Variants in FGF12 observed in about 807,000 individuals in gnomAD.
The protein encoded by FGF12 is fibroblast growth factor 12B.
A neutral mutation model predicts 23.6 loss-of-function variants in FGF12; 14 were observed. That is an observed-to-expected ratio of 0.59 (90% CI 0.39 to 0.93). The LOEUF (loss-of-function observed/expected upper bound fraction) is 0.93. Among genes scored for constraint, FGF12 ranks in the 40% least tolerant of loss-of-function variants. The pLI is 0.00. For missense variants in FGF12, 175 were observed against 217.8 expected (o/e 0.80, Z 1.24); for synonymous variants, 62 against 77.3 (o/e 0.80, Z 1.04).
chr3:192,361,070 T>A lies in FGF12; in HGVS notation c.14-532A>T, dbSNP rs534530781. On this transcript the variant is annotated intron_variant, in intron 2 of 5. Coordinates refer to ENST00000445105, the MANE Select transcript of FGF12 (RefSeq NM_004113.6). ...GCAACAGCAAAAACTTCCACGGCCA[T>A]GAGATGTCACTGGCAAATATGTGGA... Among the ~76,000 whole-genome samples, 282 of 145,986 alleles carry A rather than the reference T, an allele frequency of 1.9e-3. 1 individual carries two copies. Among genetic ancestry groups the A allele is most frequent in the Middle Eastern group, 7.4e-3 (2 of 270 alleles).
At chr3:192,556,653 T>A (rs1711788687) in intron 2 of FGF12, among the ~76,000 whole-genome samples, 1 of 152,068 alleles carries the variant, frequency 6.6e-6, no homozygotes. Flanking sequence ...GCTGAGCAAT[T>A]CTATTTATCA....
chr3:192,542,806 T>C (rs1327073771), intron 2 of FGF12, among the ~76,000 whole-genome samples: 4 of 152,126 alleles, frequency 2.6e-5, no homozygotes, highest in African/African-American at 9.7e-5. Flanking sequence ...TCTGGAAGAA[T>C]TGTCTGGATT....
At chr3:192,589,874 T>G (rs895865409) in intron 2 of FGF12, among the ~76,000 whole-genome samples, 7 of 151,958 alleles carry the variant, frequency 4.6e-5, no homozygotes, top group African/African-American at 1.7e-4. Flanking sequence ...AGAAAGACTA[T>G]GCAAGCAAGT....
chr3:192,363,100 GA>G (rs1194625269), intron 2 of FGF12, among the ~76,000 whole-genome samples: 32 of 148,436 alleles, frequency 2.2e-4, no homozygotes, highest in Non-Finnish European at 2.6e-4. Flanking sequence ...GGGGTAGGGG[GA>G]GGGGGGAGGG....
At chr3:192,593,978 T>C (rs1713733614) in intron 2 of FGF12, among the ~76,000 whole-genome samples, 2 of 151,972 alleles carry the variant, frequency 1.3e-5, no homozygotes, top group South Asian at 4.2e-4. Context: ...AGTCTTGCCT[T>C]GAATTGCTTA....
At chr3:192,473,515 A>T (rs1197225520) in intron 2 of FGF12, among the ~76,000 whole-genome samples, 2 of 152,246 alleles carry the variant, frequency 1.3e-5, no homozygotes, top group African/African-American at 4.8e-5. Flanking sequence ...CGTGAAAGAA[A>T]ACTCATGGTA....
chr3:192,604,421 T>C (rs958534072), intron 2 of FGF12, among the ~76,000 whole-genome samples: 1 of 152,202 alleles, frequency 6.6e-6, no homozygotes, highest in Non-Finnish European at 1.5e-5. Flanking sequence ...CTTCATAATT[T>C]ATGTTCCTCT....
chr3:192,424,846 G>GT (rs1721645032), intron 2 of FGF12, among the ~76,000 whole-genome samples: 1 of 152,014 alleles, frequency 6.6e-6, no homozygotes, highest in Non-Finnish European at 1.5e-5. Context: ...AATAGGCCAT[G>GT]TTTTTTATCC....
intron 2 of FGF12, among the ~76,000 whole-genome samples, chr3:192,583,724 G>A (rs1453665175): frequency 6.6e-6 from 1 of 152,160 alleles, no homozygotes; most frequent in African/African-American, 2.4e-5. Context: ...AGGTGTCTAG[G>A]AGAGGCATCA....
intron 2 of FGF12, among the ~76,000 whole-genome samples, chr3:192,720,377 C>T (rs1341836927): frequency 6.6e-6 from 1 of 152,242 alleles, no homozygotes; most frequent in Non-Finnish European, 1.5e-5. Flanking sequence ...CCATCAGCAG[C>T]ATCGCAGCAG....
chr3:192,219,254 T>G (rs1331763546), intron 4 of FGF12, among the ~76,000 whole-genome samples: 1 of 152,006 alleles, frequency 6.6e-6, no homozygotes, highest in East Asian at 1.9e-4. Flanking sequence ...CCGACTGATT[T>G]TTTTATTTTT....
chr3:192,143,851 T>C lies in FGF12; in HGVS notation c.*158A>G. On this transcript the variant is annotated 3_prime_UTR_variant, in exon 6 of 6. Transcript: ENST00000445105. ...AAGCTTTGGTTCAATTTTCTTGTCC[T>C]ACACAAAGGAAGATTTTGAGTGCAG... The C allele has an allele frequency of 1.8e-6, 1 of 566,846 alleles. No homozygotes were observed. The highest frequency in any genetic ancestry group is 3.2e-6 in the Non-Finnish European group (1 of 317,012). The allele number at this position is 566,846 out of a possible 1,614,324, so 35.1% of individuals were successfully genotyped here. A position where few individuals can be genotyped will look rare whatever the true frequency, so the allele number is the denominator to read the frequency against.
At chr3:192,182,853 C>T (rs755029770) in intron 4 of FGF12, among the ~76,000 whole-genome samples, 7 of 152,152 alleles carry the variant, frequency 4.6e-5, no homozygotes, top group Non-Finnish European at 7.3e-5. Context: ...ATTTCACCTG[C>T]GAATATGCAG....
intron 4 of FGF12, among the ~76,000 whole-genome samples, chr3:192,176,566 CT>C (rs1436760020): frequency 2.6e-5 from 4 of 152,314 alleles, no homozygotes; most frequent in Non-Finnish European, 5.9e-5. Flanking sequence ...GATTCAGTCC[CT>C]TTACCTGTAT....
At chr3:192,209,637 C>A (rs1205683068) in intron 4 of FGF12, among the ~76,000 whole-genome samples, 3 of 152,060 alleles carry the variant, frequency 2.0e-5, no homozygotes, top group Non-Finnish European at 4.4e-5. Context: ...TAAGAATATC[C>A]CCTCACATCA....
intron 3 of FGF12, among the ~76,000 whole-genome samples, chr3:192,355,871 G>A (rs1718451112): frequency 1.3e-5 from 2 of 152,122 alleles, no homozygotes; most frequent in Admixed American, 1.3e-4. Context: ...TGTTTTCGTC[G>A]TGTTCAGACA....
At chr3:192,429,543 G>A (rs1721797078) in intron 2 of FGF12, among the ~76,000 whole-genome samples, 1 of 151,998 alleles carries the variant, frequency 6.6e-6, no homozygotes, top group Non-Finnish European at 1.5e-5. Flanking sequence ...CTTTCTACAT[G>A]CATTACTCCT....
Position 192,698,542 on chromosome 3 carries a change from C to T in FGF12, c.13+28639G>A, listed in dbSNP as rs547146548. 2.0e-5 allele frequency among the ~76,000 whole-genome samples: 3 copies of T among 152,156 alleles called. No homozygotes were observed. In the South Asian group the frequency reaches 6.2e-4, roughly 32 times the overall value. On this transcript the variant is annotated intron_variant, in intron 2 of 5. Transcript: ENST00000445105. Reference sequence around the variant, plus strand: ...AAAATATTTACTGAGTGTTAATATGCGTCAGACATTATCCTGAGGACACAG... The same window carrying T: ...AAAATATTTACTGAGTGTTAATATGTGTCAGACATTATCCTGAGGACACAG...
At chr3:192,612,429 G>C (rs1714582441) in intron 2 of FGF12, among the ~76,000 whole-genome samples, 1 of 151,872 alleles carries the variant, frequency 6.6e-6, no homozygotes, top group Non-Finnish European at 1.5e-5. Context: ...TTTCATAACT[G>C]TGTTTGGCTT....
Sources: gnomAD v4.1 joint callset for allele counts (sites outside exome capture counted in the v4.1 genomes callset) on GRCh38, gnomAD v4.1.1 for gene constraint, MANE v1.5 for transcripts, NCBI Gene and HGNC (gene_info 2026-07-23, HGNC 2026-07-21) for gene names.